Variants in WDR25 observed in about 807,000 individuals in gnomAD.
WDR25 encodes WD repeat-containing protein 25.
In WDR25, 35 loss-of-function variants were observed where a neutral mutation model predicts 47.7. That is an observed-to-expected ratio of 0.73 (90% CI 0.56 to 0.97). WDR25 has a LOEUF of 0.97. Ranked by LOEUF, WDR25 falls within the 50% of genes least tolerant of loss-of-function variation. The pLI is 0.00. For missense variants in WDR25, 634 were observed against 704.7 expected, an observed-to-expected ratio of 0.90 and a Z score of 1.14; for synonymous variants, 248 against 278.9, an observed-to-expected ratio of 0.89 and a Z score of 1.10.
At chr14:100,422,666 T>C (rs1898060381) in intron 2 of WDR25, among the ~76,000 whole-genome samples, 1 of 152,222 alleles carries the variant, frequency 6.6e-6, no homozygotes, top group South Asian at 2.1e-4. Context: ...TGAGTATTTG[T>C]TCCGTGGACG....
rs1900795322 is a variant in WDR25 at position 100,498,128 on chromosome 14, G to A, written c.1101+14004G>A. On this transcript the variant is annotated intron_variant, in intron 4 of 6. Transcript: ENST00000402312. The surrounding 1 kb of genome is among the most constrained non-coding windows in gnomAD (Gnocchi z 4.2). ...AGATTCCCAGTTTCAGGAGTGTGTT[G>A]ATGGCTGTGTGATTTTAAGCACACG... Among the ~76,000 whole-genome samples, 1 of 152,240 alleles carries A rather than the reference G, an allele frequency of 6.6e-6. No individual in the cohort carries two copies. The highest frequency in any genetic ancestry group is 1.5e-5 in the Non-Finnish European group (1 of 68,038).
At chr14:100,443,290 C>T (rs1898724993) in intron 2 of WDR25, among the ~76,000 whole-genome samples, 1 of 152,196 alleles carries the variant, frequency 6.6e-6, no homozygotes, top group Non-Finnish European at 1.5e-5. Context: ...GTGCCACATG[C>T]TTTTCCTTTC....
chr14:100,426,620 C>T (rs536008621), intron 2 of WDR25, among the ~76,000 whole-genome samples: 3 of 152,232 alleles, frequency 2.0e-5, no homozygotes, highest in Admixed American at 6.5e-5. Context: ...CACTCTGCCC[C>T]TTCCCTGAGC....
intron 4 of WDR25, among the ~76,000 whole-genome samples, chr14:100,516,767 G>T (rs1406501634): frequency 6.6e-6 from 1 of 151,960 alleles, no homozygotes; most frequent in East Asian, 1.9e-4. Flanking sequence ...ATTTAAGGTG[G>T]CTGTCTTGTA....
chr14:100,467,211 T>A (rs1899661158), intron 2 of WDR25, among the ~76,000 whole-genome samples: 1 of 152,168 alleles, frequency 6.6e-6, no homozygotes, highest in Non-Finnish European at 1.5e-5. Context: ...CCTTTTTGGA[T>A]CTCTGTCTTA....
chr14:100,492,679 T>A (rs1271116454), intron 4 of WDR25, among the ~76,000 whole-genome samples: 3 of 152,046 alleles, frequency 2.0e-5, no homozygotes, highest in Admixed American at 6.5e-5. Flanking sequence ...TTTTAAAAAT[T>A]TATTTATTTT....
intron 2 of WDR25, among the ~76,000 whole-genome samples, chr14:100,433,108 A>C (rs779761082): frequency 6.6e-6 from 1 of 152,362 alleles, no homozygotes; most frequent in East Asian, 1.9e-4. Context: ...TGTATTATCT[A>C]CTGTACATAC....
intron 2 of WDR25, among the ~76,000 whole-genome samples, chr14:100,432,411 G>T (rs1190926): frequency 0.66 from 100,769 of 152,048 alleles, 35,602 homozygotes; most frequent in East Asian, 0.89. Context: ...TGCTGAAAGA[G>T]ACCTTGCAAA....
At chr14:100,489,237 C>T (rs1900484384) in intron 4 of WDR25, among the ~76,000 whole-genome samples, 1 of 152,186 alleles carries the variant, frequency 6.6e-6, no homozygotes, top group Non-Finnish European at 1.5e-5. Flanking sequence ...TCCTCTGCTC[C>T]CCGGTGTTTG....
At chr14:100,472,052 C>G (rs4905968) in intron 3 of WDR25, among the ~76,000 whole-genome samples, 98,233 of 152,116 alleles carry the variant, frequency 0.65, 32,069 homozygotes, top group Admixed American at 0.72. Context: ...CGGAGAGCTC[C>G]CTCAGTTCTA....
rs538057113 is a variant in WDR25, at chr14:100,425,709, A to G, written c.823-42312A>G. ...TTTTGAAGGAGTTCTCAAAAATGACAGGTTTTATTTCAAGGGTCTTTGTTA... is the reference window on the plus strand; with the variant it reads ...TTTTGAAGGAGTTCTCAAAAATGACGGGTTTTATTTCAAGGGTCTTTGTTA... On this transcript the variant is annotated intron_variant, in intron 2 of 6. Transcript: ENST00000402312. The surrounding 1 kb of genome is among the most constrained non-coding windows in gnomAD (Gnocchi z 4.8). Among the ~76,000 whole-genome samples the G allele has an allele frequency of 9.2e-5, 14 of 152,306 alleles. No homozygotes were observed. Among genetic ancestry groups the G allele is most frequent in the Non-Finnish European group, 1.8e-4 (12 of 68,030 alleles).
At chr14:100,446,914 C>T (rs929433092) in intron 2 of WDR25, among the ~76,000 whole-genome samples, 78 of 152,176 alleles carry the variant, frequency 5.1e-4, no homozygotes, top group Non-Finnish European at 1.0e-4. Flanking sequence ...TGAAAATTAT[C>T]GTCTGTGGCC....
rs78359884 is a variant in WDR25 at position 100,381,001 on chromosome 14, A to G, written c.77A>G (p.His26Arg). 922 of 1,614,202 alleles carry G rather than the reference A, an allele frequency of 5.7e-4. No homozygotes were observed. The highest frequency in any genetic ancestry group is 7.5e-4 in the Non-Finnish European group (887 of 1,180,034). The change falls in exon 2 of 7, where the codon CAT (histidine) becomes CGT (arginine). Residue 26 changes from histidine to arginine, a missense_variant. Coordinates refer to ENST00000402312, the MANE Select transcript of WDR25 (RefSeq NM_001161476.3). ...TCGGACTCGGAGGCTGAGACAGAGC[A>G]TGCAGGAAGTTTTAATGCTACCGGC... ...DDSDSEAETE[H>R]AGSFNATGQQ...
chr14:100,387,837 G>A (rs564883595), intron 2 of WDR25, among the ~76,000 whole-genome samples: 2 of 152,230 alleles, frequency 1.3e-5, no homozygotes, highest in African/African-American at 4.8e-5. Context: ...CTCTATCCCA[G>A]CTTCCAAATT....
chr14:100,470,822 T>C (rs1899804776), intron 3 of WDR25, among the ~76,000 whole-genome samples: 1 of 152,122 alleles, frequency 6.6e-6, no homozygotes, highest in African/African-American at 2.4e-5. Context: ...CTGTGGTGTG[T>C]TGGGTGTGTA....
intron 4 of WDR25, among the ~76,000 whole-genome samples, chr14:100,521,695 T>G (rs1005582329): frequency 6.6e-6 from 1 of 152,254 alleles, no homozygotes; most frequent in African/African-American, 2.4e-5. Flanking sequence ...TTTTTATTTT[T>G]ACAAATAGTG....
rs76066453 is a variant in WDR25 at position 100,402,049 on chromosome 14, T to C, written c.822+20303T>C. ...AACCCAGTTATTACTGCTACTCCCA[T>C]GAATGCCCATAATGGCACAGGAGGT... On this transcript the variant is annotated intron_variant, in intron 2 of 6. Coordinates refer to ENST00000402312, the MANE Select transcript of WDR25 (RefSeq NM_001161476.3). Among the ~76,000 whole-genome samples the C allele has an allele frequency of 1.0e-2, 1,518 of 152,374 alleles. 31 individuals carry two copies. Among genetic ancestry groups the C allele is most frequent in the African/African-American group, 0.035 (1,440 of 41,582 alleles).
At chr14:100,399,941 G>T (rs1317984102) in intron 2 of WDR25, among the ~76,000 whole-genome samples, 3 of 152,232 alleles carry the variant, frequency 2.0e-5, no homozygotes, top group Non-Finnish European at 4.4e-5. Flanking sequence ...GGTGCTGCAG[G>T]TTCCAGGAAT....
chr14:100,529,532 G>A lies in WDR25; in HGVS notation c.1414-288G>A, dbSNP rs976254335. The A allele has an allele frequency of 1.9e-5, 11 of 591,172 alleles. No homozygotes were observed. The Middle Eastern group carries it at 1.7e-3, about 94-fold the overall frequency. 36.6% of individuals were successfully genotyped at this position (591,172 alleles called of 1,614,324 possible). The stretch of plus-strand genomic sequence containing the variant: ...CCTTTCCTCACTGAGGCCAAGCCTT[G>A]CTGGGGTGGAAGGGGCTGGGTGCTT... On this transcript the variant is annotated intron_variant, in intron 6 of 6. Transcript: ENST00000402312. The surrounding 1 kb of genome is among the most constrained non-coding windows in gnomAD (Gnocchi z 5.1).
Sources: gnomAD v4.1 joint callset for allele counts (sites outside exome capture counted in the v4.1 genomes callset) on GRCh38, gnomAD v4.1.1 for gene constraint, Gnocchi (gnomAD v3.1) non-coding constraint, MANE v1.5 for transcripts, NCBI Gene and HGNC (gene_info 2026-07-23, HGNC 2026-07-21) for gene names.